Variants in MYLK observed in about 807,000 individuals in gnomAD.
The protein encoded by MYLK is myosin light chain kinase, smooth muscle.
In MYLK, 106 loss-of-function variants were observed where a neutral mutation model predicts 203.4. That is an observed-to-expected ratio of 0.52 (90% confidence interval 0.45 to 0.61). The LOEUF is 0.61. MYLK is among the 20% of genes least tolerant of loss of function. MYLK has a pLI of 0.00. For missense variants in MYLK, 2,072 were observed against 2,442.3 expected (o/e 0.85, Z 3.20); for synonymous variants, 867 against 959.5 (o/e 0.90, Z 1.78).
At chr3:123,816,392 G>C (rs924216556) in intron 3 of MYLK, among the ~76,000 whole-genome samples, 1 of 152,222 alleles carries the variant, frequency 6.6e-6, no homozygotes, top group African/African-American at 2.4e-5. Context: ...GAGGACTGAA[G>C]TCCTCAACAC....
chr3:123,700,807 G>A lies in MYLK; in HGVS notation c.2661C>T (p.Ile887=), dbSNP rs2061169625. The change falls in exon 18 of 34, where the codon ATC becomes ATT. Residue 887 remains isoleucine, a synonymous_variant. Transcript: ENST00000360304. Reference sequence around the variant, plus strand: ...CCAGCTGCTCCACCTCCTGCTGGCGGATCGCCTCCTCAGTGTGCTGCCTCG... The same window carrying A: ...CCAGCTGCTCCACCTCCTGCTGGCGAATCGCCTCCTCAGTGTGCTGCCTCG... The part of the protein sequence containing the change: ...VETRQHTEEA[I]RQQEVEQLDF... 6.2e-7 allele frequency: 1 copy of A among 1,614,046 alleles called. No homozygotes were observed. Among genetic ancestry groups the A allele is most frequent in the Non-Finnish European group, 8.5e-7 (1 of 1,180,046 alleles).
At chr3:123,725,012 G>A (rs922743297) in intron 12 of MYLK, among the ~76,000 whole-genome samples, 1 of 152,038 alleles carries the variant, frequency 6.6e-6, no homozygotes, top group African/African-American at 2.4e-5. Context: ...CCCAAAGTGC[G>A]GATTACAGGC....
At chr3:123,801,670 C>T (rs1258764295) in intron 3 of MYLK, among the ~76,000 whole-genome samples, 5 of 152,180 alleles carry the variant, frequency 3.3e-5, no homozygotes, top group Non-Finnish European at 7.3e-5. Flanking sequence ...CAAGTGAGAA[C>T]ATGTGGTATT....
Position 123,726,083 on chromosome 3 carries a change from G to A in MYLK, c.1517-5C>T, listed in dbSNP as rs188201474. On this transcript the variant is annotated splice_polypyrimidine_tract_variant and splice_region_variant and intron_variant, in intron 11 of 33. Coordinates refer to ENST00000360304, the MANE Select transcript of MYLK (RefSeq NM_053025.4). ...CCACCTCCATCACGGCAAGCCCTGT[G>A]AGGGAAAAGGACAGGTCAGCTCAGA... The A allele has an allele frequency of 1.9e-6, 3 of 1,614,104 alleles. No homozygotes were observed. Among genetic ancestry groups the A allele is most frequent in the East Asian group, 4.5e-5 (2 of 44,886 alleles).
At chr3:123,805,061 G>A (rs529193510) in intron 3 of MYLK, among the ~76,000 whole-genome samples, 1 of 152,266 alleles carries the variant, frequency 6.6e-6, no homozygotes, top group Non-Finnish European at 1.5e-5. Flanking sequence ...GCTCCTGCTG[G>A]ACCCCTGGGG....
In MYLK at chr3:123,731,783, T is replaced by TAAA. The variant is rs11385680; in HGVS notation, c.1516+1110_1516+1112dup. 7.0e-4 allele frequency among the ~76,000 whole-genome samples: 105 copies of TAAA among 149,824 alleles called. 2 individuals are homozygous for TAAA. In the South Asian group the frequency reaches 8.8e-3, roughly 13 times the overall value. ...TATATCTCTCAAACAGATGAACTTATAAAAAAAAAAGTAACAAGACCACCA... is the reference window on the plus strand; with the variant it reads ...TATATCTCTCAAACAGATGAACTTATAAAAAAAAAAAAAGTAACAAGACCACCA... On this transcript the variant is annotated intron_variant, in intron 11 of 33. Coordinates refer to ENST00000360304, the MANE Select transcript of MYLK (RefSeq NM_053025.4).
intron 24 of MYLK, among the ~76,000 whole-genome samples, chr3:123,653,444 C>T (rs1212861026): frequency 6.6e-6 from 1 of 152,214 alleles, no homozygotes; most frequent in Non-Finnish European, 1.5e-5. Flanking sequence ...CCTCCTCCCC[C>T]TTGGTAATCC....
chr3:123,655,983 A>G (rs1272577218), intron 24 of MYLK, among the ~76,000 whole-genome samples: 2 of 152,286 alleles, frequency 1.3e-5, no homozygotes, highest in East Asian at 1.9e-4. Context: ...AGAATCTTCC[A>G]GTTCTCTTCC....
intron 2 of MYLK, among the ~76,000 whole-genome samples, chr3:123,870,389 A>G (rs2032690737): frequency 1.3e-5 from 2 of 152,178 alleles, no homozygotes. Context: ...GTACCACTGA[A>G]GGGCACAGGT....
intron 18 of MYLK, among the ~76,000 whole-genome samples, chr3:123,694,918 G>C (rs1259572495): frequency 6.6e-6 from 1 of 152,244 alleles, no homozygotes; most frequent in Non-Finnish European, 1.5e-5. Flanking sequence ...GTTTCCCAGA[G>C]GTTTTTTTTT....
chr3:123,696,561 C>T (rs1415604372), intron 18 of MYLK, among the ~76,000 whole-genome samples: 1 of 151,990 alleles, frequency 6.6e-6, no homozygotes, highest in African/African-American at 2.4e-5. Context: ...CACTCAGGCA[C>T]CCACACTTAG....
intron 13 of MYLK, among the ~76,000 whole-genome samples, chr3:123,715,286 G>GA (rs1391533408): frequency 6.6e-6 from 1 of 152,210 alleles, no homozygotes; most frequent in Admixed American, 6.5e-5. Context: ...CCCATGGGCT[G>GA]AAGCAGGTGG....
At chr3:123,752,148 GC>G (rs1440230709) in intron 5 of MYLK, among the ~76,000 whole-genome samples, 182 bp downstream of exon 5, 3 of 152,110 alleles carry the variant, frequency 2.0e-5, no homozygotes, top group African/African-American at 7.2e-5. Context: ...TCTCCTGGAT[GC>G]CTCCCTTGTT....
At chr3:123,873,229 G>C (rs2032923830) in intron 2 of MYLK, among the ~76,000 whole-genome samples, 1 of 152,062 alleles carries the variant, frequency 6.6e-6, no homozygotes, top group African/African-American at 2.4e-5. Flanking sequence ...AAAAGCGCCT[G>C]AACAAATCAT....
chr3:123,859,569 T>G (rs576459137), intron 2 of MYLK, among the ~76,000 whole-genome samples: 8 of 152,372 alleles, frequency 5.3e-5, no homozygotes, highest in African/African-American at 1.9e-4. Flanking sequence ...TCCAAAAATC[T>G]AATTTATGTT....
intron 23 of MYLK, among the ~76,000 whole-genome samples, chr3:123,658,199 T>C (rs975453463): frequency 5.9e-5 from 9 of 152,246 alleles, no homozygotes; most frequent in Admixed American, 1.3e-4. Context: ...CAGAGGGCTG[T>C]TGAGATATAA....
In MYLK at chr3:123,629,755, G is replaced by GC; in HGVS notation, c.4962-130dup. ...CCCAAACTCATGCTCTGTGGGCCTT[G>GC]CACCTGCCTTTCTTCCACTTGTGGA... On this transcript the variant is annotated intron_variant, in intron 29 of 33. Transcript: ENST00000360304. The surrounding 1 kb of genome is among the most constrained non-coding windows in gnomAD (Gnocchi z 4.4). 1 of 911,360 alleles carries GC rather than the reference G, an allele frequency of 1.1e-6. No homozygotes were observed. Among genetic ancestry groups the GC allele is most frequent in the Non-Finnish European group, 1.7e-6 (1 of 579,244 alleles). 56.5% of individuals were successfully genotyped at this position (911,360 alleles called of 1,614,324 possible). A position where few individuals can be genotyped will look rare whatever the true frequency, so the allele number is the denominator to read the frequency against.
intron 4 of MYLK, among the ~76,000 whole-genome samples, chr3:123,767,177 A>G (rs9867608): frequency 0.071 from 10,859 of 152,262 alleles, 1,249 homozygotes; most frequent in African/African-American, 0.24. Flanking sequence ...GCTGGGGCCC[A>G]GCTGAGCCAC....
chr3:123,866,340 C>T (rs1285218393), intron 2 of MYLK, among the ~76,000 whole-genome samples: 1 of 152,150 alleles, frequency 6.6e-6, no homozygotes, highest in Non-Finnish European at 1.5e-5. Flanking sequence ...ATAACTGGTA[C>T]ACCCCCTTTA....
Sources: gnomAD v4.1 joint callset for allele counts (sites outside exome capture counted in the v4.1 genomes callset) on GRCh38, gnomAD v4.1.1 for gene constraint, Gnocchi (gnomAD v3.1) non-coding constraint, MANE v1.5 for transcripts, NCBI Gene and HGNC (gene_info 2026-07-23, HGNC 2026-07-21) for gene names.